The following PCDHGB2 variants were observed in gnomAD, a reference collection of about 807,000 sequenced individuals.
PCDHGB2 encodes protocadherin gamma-B2.
Under a neutral mutation model 59.3 loss-of-function variants are expected in PCDHGB2, and 55 were observed. The ratio of observed to expected loss-of-function variants is 0.93; its 90% CI spans 0.75 to 1.16. PCDHGB2 has a LOEUF of 1.16. Ranked by LOEUF, PCDHGB2 falls within the 50% of genes most tolerant of loss-of-function variation. PCDHGB2 has a pLI of 0.00. For synonymous variants in PCDHGB2, 516 were observed against 512.0 expected (o/e 1.01, Z -0.11); for missense variants, 1,228 against 1,198.5 (o/e 1.02, Z -0.36).
intron 3 of PCDHGB2, 61 bp downstream of exon 3, chr5:141,505,542 A>C: frequency 2.6e-5 from 42 of 1,604,950 alleles, no homozygotes; most frequent in Non-Finnish European, 3.2e-5. Flanking sequence ...GGTGCATCTC[A>C]CAGCCACCAT....
rs139867523 is a variant in PCDHGB2, at chr5:141,474,274, G to A, written c.2422-20533G>A. 1.2e-4 allele frequency among the ~76,000 whole-genome samples: 19 copies of A among 152,278 alleles called. No homozygotes were observed. In the East Asian group the frequency reaches 3.3e-3, roughly 26 times the overall value. On this transcript the variant is annotated intron_variant, in intron 1 of 3. Coordinates refer to ENST00000522605, the MANE Select transcript of PCDHGB2 (RefSeq NM_018923.3). ...AAGACTGATAAACCAGTGTATCTCT[G>A]AATAACCCACTAGATCAGTGCTTGT...
intron 1 of PCDHGB2, among the ~76,000 whole-genome samples, chr5:141,449,848 T>C (rs7713034): frequency 0.29 from 44,283 of 151,474 alleles, 7,514 homozygotes; most frequent in African/African-American, 0.48. Flanking sequence ...AATTAAATTT[T>C]AATAATAAAA....
intron 1 of PCDHGB2, chr5:141,419,816 C>A (rs910172118): frequency 7.4e-6 from 12 of 1,613,940 alleles, no homozygotes; most frequent in Non-Finnish European, 1.0e-5. Context: ...AGGACAGCCA[C>A]CCCTTTCAGC....
At chr5:141,399,434 T>C (rs937697147) in intron 1 of PCDHGB2, 1 of 1,614,008 alleles carries the variant, frequency 6.2e-7, no homozygotes. Flanking sequence ...AGCGTCATCC[T>C]ACATATCAGA....
chr5:141,377,664 C>G (rs1042522537), intron 1 of PCDHGB2: 2 of 151,600 alleles, frequency 1.3e-5, no homozygotes, highest in African/African-American at 2.4e-5. Context: ...AAACGACAGA[C>G]GTTCATACAA....
chr5:141,382,964 C>A (rs373652237), intron 1 of PCDHGB2: 1 of 1,608,238 alleles, frequency 6.2e-7, no homozygotes. Context: ...CTCCTGGGGA[C>A]CCCCTGGGAA....
intron 1 of PCDHGB2, chr5:141,390,100 C>G: frequency 6.2e-7 from 1 of 1,614,060 alleles, no homozygotes; most frequent in South Asian, 1.1e-5. Context: ...GTGGTTCCCC[C>G]CAACTACAGC....
chr5:141,433,379 CTAT>C (rs2097594474), intron 1 of PCDHGB2, among the ~76,000 whole-genome samples: 1 of 151,230 alleles, frequency 6.6e-6, no homozygotes, highest in Non-Finnish European at 1.5e-5. Context: ...ATCTATCTAT[CTAT>C]CTATCTATCT....
intron 1 of PCDHGB2, chr5:141,371,020 A>T: frequency 6.2e-7 from 1 of 1,613,970 alleles, no homozygotes; most frequent in Non-Finnish European, 8.5e-7. Context: ...CCACATCACC[A>T]CCTGGTCCTC....
intron 1 of PCDHGB2, chr5:141,374,063 G>T: frequency 6.7e-7 from 1 of 1,496,072 alleles, no homozygotes; most frequent in Non-Finnish European, 8.9e-7. Flanking sequence ...TAATCCCAGA[G>T]AAGTTCCTAA....
intron 1 of PCDHGB2, chr5:141,403,000 A>T: frequency 1.1e-5 from 18 of 1,613,980 alleles, no homozygotes; most frequent in Non-Finnish European, 1.4e-5. Context: ...TAGTCCTGCT[A>T]TGCTCGCTCC....
chr5:141,384,922 C>T, intron 1 of PCDHGB2: 1 of 1,614,018 alleles, frequency 6.2e-7, no homozygotes, highest in Non-Finnish European at 8.5e-7. Context: ...CTTGGCCGAC[C>T]TGGGCAGCCT....
chr5:141,491,247 G>A lies in PCDHGB2; in HGVS notation c.2422-3560G>A, dbSNP rs1356752106. ...CAGTGCTGCTGGTTCTGGAGGATGA[G>A]GACCCTGAGGAAATGCCCAAATCCA... On this transcript the variant is annotated intron_variant, in intron 1 of 3. Coordinates refer to ENST00000522605, the MANE Select transcript of PCDHGB2 (RefSeq NM_018923.3). The surrounding 1 kb of genome is among the most constrained non-coding windows in gnomAD (Gnocchi z 6.9). The A allele has an allele frequency of 3.2e-5, 51 of 1,614,192 alleles. No individual in the cohort carries two copies. The highest frequency in any genetic ancestry group is 4.3e-5 in the Non-Finnish European group (51 of 1,180,018).
intron 1 of PCDHGB2, among the ~76,000 whole-genome samples, chr5:141,447,339 A>T (rs767342137): frequency 6.6e-6 from 1 of 151,770 alleles, no homozygotes; most frequent in Non-Finnish European, 1.5e-5. Flanking sequence ...GGGTTTCATC[A>T]TATTGGTCAG....
intron 1 of PCDHGB2, chr5:141,410,274 A>G: frequency 4.3e-6 from 7 of 1,613,948 alleles, no homozygotes; most frequent in Non-Finnish European, 5.9e-6. Context: ...CTGCAGTTTT[A>G]CCTGGTGGTG....
chr5:141,388,937 C>T, intron 1 of PCDHGB2: 1 of 1,613,964 alleles, frequency 6.2e-7, no homozygotes, highest in Non-Finnish European at 8.5e-7. Context: ...AGTCTCTACC[C>T]AACCTAATTA....
At chr5:141,396,797 T>C (rs1043872860) in intron 1 of PCDHGB2, among the ~76,000 whole-genome samples, 1 of 152,182 alleles carries the variant, frequency 6.6e-6, no homozygotes, top group Non-Finnish European at 1.5e-5. Context: ...TTCCTAAGGA[T>C]TGTGTAGTGT....
intron 1 of PCDHGB2, among the ~76,000 whole-genome samples, chr5:141,443,369 C>T (rs1403494558): frequency 6.6e-6 from 1 of 151,848 alleles, no homozygotes; most frequent in African/African-American, 2.4e-5. Context: ...CCTGTGGTCT[C>T]AGCTACTTGG....
At chr5:141,435,214 AC>A (rs1332585721) in intron 1 of PCDHGB2, among the ~76,000 whole-genome samples, 1 of 152,176 alleles carries the variant, frequency 6.6e-6, no homozygotes, top group African/African-American at 2.4e-5. Flanking sequence ...AAGTGAATTT[AC>A]TTTCTTTCAA....
Sources: gnomAD v4.1 joint callset for allele counts (sites outside exome capture counted in the v4.1 genomes callset) on GRCh38, gnomAD v4.1.1 for gene constraint, Gnocchi (gnomAD v3.1) non-coding constraint, MANE v1.5 for transcripts, NCBI Gene and HGNC (gene_info 2026-07-23, HGNC 2026-07-21) for gene names.